SCN11A: variants seen among roughly 807,000 people sequenced by gnomAD.
SCN11A encodes sodium voltage-gated channel alpha subunit 11, also known as sodium channel protein type 11 subunit alpha.
In SCN11A, 122 loss-of-function variants were observed where a neutral mutation model predicts 162.2. The observed-to-expected ratio is 0.75, with a 90% CI of 0.65 to 0.87. The LOEUF (loss-of-function observed/expected upper bound fraction) is 0.87. SCN11A is among the 40% of genes least tolerant of loss of function. The pLI, the probability that SCN11A is intolerant of heterozygous loss-of-function variation, is 0.00. For missense variants in SCN11A, 2,015 were observed against 2,181.6 expected, an observed-to-expected ratio of 0.92 and a Z score of 1.52; for synonymous variants, 758 against 751.5, an observed-to-expected ratio of 1.01 and a Z score of -0.14.
chr3:39,011,239 A>G (rs1418854044), intron 2 of SCN11A, among the ~76,000 whole-genome samples: 1 of 152,218 alleles, frequency 6.6e-6, no homozygotes, highest in African/African-American at 2.4e-5. Flanking sequence ...AAATTGATAC[A>G]TGAAGGTTAT....
intron 1 of SCN11A, among the ~76,000 whole-genome samples, chr3:39,040,226 G>T (rs533442057): frequency 6.6e-6 from 1 of 152,336 alleles, no homozygotes; most frequent in South Asian, 2.1e-4. Flanking sequence ...TACTGCTCAT[G>T]CTGTTAAAAA....
chr3:38,925,859 C>T (rs1002027087), intron 8 of SCN11A, among the ~76,000 whole-genome samples: 1 of 152,232 alleles, frequency 6.6e-6, no homozygotes, highest in Admixed American at 6.5e-5. Context: ...ACTAAAGTCT[C>T]CTGCCACTAC....
chr3:39,019,895 T>C (rs2031400591), intron 2 of SCN11A, among the ~76,000 whole-genome samples: 1 of 152,204 alleles, frequency 6.6e-6, no homozygotes, highest in Non-Finnish European at 1.5e-5. Flanking sequence ...GGTTGGGGTA[T>C]TTACTGTTTG....
intron 19 of SCN11A, among the ~76,000 whole-genome samples, chr3:38,890,045 C>G (rs991655030): frequency 1.3e-5 from 2 of 151,880 alleles, no homozygotes; most frequent in Non-Finnish European, 2.9e-5. Flanking sequence ...GTTAAGGCCT[C>G]TAAATTTCTG....
At chr3:39,020,470 G>A (rs77083016) in intron 2 of SCN11A, among the ~76,000 whole-genome samples, 2 of 151,908 alleles carry the variant, frequency 1.3e-5, no homozygotes, top group Admixed American at 6.6e-5. Context: ...GTGCTCCAGG[G>A]CAGTCCAGCA....
chr3:38,879,433 G>A (rs766652730), intron 23 of SCN11A, among the ~76,000 whole-genome samples: 1 of 152,112 alleles, frequency 6.6e-6, no homozygotes, highest in Admixed American at 6.6e-5. Context: ...TGAGCTTCAG[G>A]TTTCCTTGTA....
At chr3:39,044,291 C>A (rs2032132243) in intron 1 of SCN11A, among the ~76,000 whole-genome samples, 1 of 152,102 alleles carries the variant, frequency 6.6e-6, no homozygotes, top group East Asian at 1.9e-4. Context: ...CAAGAAACAT[C>A]AGATTTAAAC....
chr3:38,945,963 C>G (rs994808072), intron 6 of SCN11A, among the ~76,000 whole-genome samples: 1 of 147,138 alleles, frequency 6.8e-6, no homozygotes, highest in Non-Finnish European at 1.5e-5. Context: ...TCTAGGGAAC[C>G]AAACCCAAAT....
At chr3:38,864,758 A>G (rs569637774) in intron 27 of SCN11A, among the ~76,000 whole-genome samples, 1 of 152,336 alleles carries the variant, frequency 6.6e-6, no homozygotes, top group East Asian at 1.9e-4. Flanking sequence ...CAGGAAGGGT[A>G]CAACCTAAAC....
intron 2 of SCN11A, among the ~76,000 whole-genome samples, chr3:38,974,708 A>AG (rs1425737826): frequency 4.0e-5 from 6 of 150,014 alleles, no homozygotes; most frequent in East Asian, 3.9e-4. Context: ...AAAAAAAAAA[A>AG]AAAAAGAAAA....
chr3:38,846,939 A>C lies in SCN11A; in HGVS notation c.5131T>G (p.Phe1711Val). ...DSMKAMMEEK[F>V]MEANPLKKLY... is the part of the protein sequence containing the mutation. ...TTCTTGAGAGGATTGGCTTCCATGA[A>C]CTTCTCTTCCATCATTGCTTTCATA... The change falls in exon 30 of 30, where the codon TTC (phenylalanine) becomes GTC (valine). Residue 1711 changes from phenylalanine to valine, a missense_variant. Phe to Val is a conservative substitution (Grantham distance 50). Coordinates refer to ENST00000302328, the MANE Select transcript of SCN11A (RefSeq NM_001349253.2). 2 of 1,613,812 alleles carry C rather than the reference A, an allele frequency of 1.2e-6. No homozygotes were observed. Among genetic ancestry groups the C allele is most frequent in the Non-Finnish European group, 1.7e-6 (2 of 1,179,884 alleles).
intron 21 of SCN11A, among the ~76,000 whole-genome samples, chr3:38,884,489 A>C (rs2065362069): frequency 6.6e-6 from 1 of 152,176 alleles, no homozygotes; most frequent in South Asian, 2.1e-4. Flanking sequence ...TCATTCATTA[A>C]TTTGTTTCAC....
intron 2 of SCN11A, among the ~76,000 whole-genome samples, chr3:39,004,854 GA>G (rs2030921899): frequency 6.6e-6 from 1 of 152,052 alleles, no homozygotes; most frequent in Admixed American, 6.6e-5. Context: ...AGTCTCATGT[GA>G]TACTGTAGCA....
intron 11 of SCN11A, among the ~76,000 whole-genome samples, chr3:38,912,893 G>A (rs964473762): frequency 2.0e-5 from 3 of 152,190 alleles, no homozygotes; most frequent in Non-Finnish European, 2.9e-5. Context: ...TAGGCATTCA[G>A]GTTGCTTCCA....
chr3:38,950,394 T>C lies in SCN11A; in HGVS notation c.-7-25A>G, dbSNP rs748083306. 12 of 1,610,514 alleles carry C rather than the reference T, an allele frequency of 7.5e-6. No individual in the cohort carries two copies. In the East Asian group the frequency reaches 1.8e-4, roughly 24 times the overall value. ...CCTCAGGACAGAGACAAGCCACAGA[T>C]CCTCAGAAAGGCCTCAGGAGGCGGG... On this transcript the variant is annotated intron_variant, in intron 4 of 29. Transcript: ENST00000302328.
chr3:38,907,894 G>A (rs934134879), intron 14 of SCN11A, 55 bp downstream of exon 14: 29 of 1,427,128 alleles, frequency 2.0e-5, no homozygotes, highest in Non-Finnish European at 2.6e-5. Flanking sequence ...TTGGCAATTG[G>A]ACCTGTCCCC....
At position 38,910,227 on chromosome 3, in the gene SCN11A, A is replaced by G. The variant is rs760264178; in HGVS notation, c.960-20T>C. On this transcript the variant is annotated intron_variant, in intron 11 of 29. Transcript: ENST00000302328. ...CAGGCACTAGATATTGGAAACAAAC[A>G]GAGAAATAATTATGTACGCCACAGC... 5.6e-6 allele frequency: 9 copies of G among 1,603,466 alleles called. No individual in the cohort carries two copies. The South Asian group carries it at 1.0e-4, about 18-fold the overall frequency.
intron 2 of SCN11A, among the ~76,000 whole-genome samples, chr3:39,012,446 CTTTCTCTCTT>C (rs1473339931): frequency 6.7e-6 from 1 of 148,398 alleles, no homozygotes; most frequent in African/African-American, 2.6e-5. Flanking sequence ...TTCTCTCTCT[CTTTCTCTCTT>C]TCTTTCTTTC....
At chr3:38,934,886 C>T (rs2125562403) in intron 7 of SCN11A, among the ~76,000 whole-genome samples, 1 of 151,882 alleles carries the variant, frequency 6.6e-6, no homozygotes, top group East Asian at 1.9e-4. Flanking sequence ...ACCTAATAGA[C>T]ATCTACAGAA....
Sources: allele counts gnomAD v4.1 joint callset (sites outside exome capture counted in the v4.1 genomes callset), GRCh38; gene constraint gnomAD v4.1.1; transcripts MANE v1.5; gene names NCBI Gene and HGNC (gene_info 2026-07-23, HGNC 2026-07-21).